Variants in GOLT1A observed in about 807,000 individuals in gnomAD.
GOLT1A encodes vesicle transport protein GOT1A.
In GOLT1A, 10 loss-of-function variants were observed where a neutral mutation model predicts 16.1. That is an observed-to-expected ratio of 0.62 (90% CI 0.38 to 1.05). The LOEUF (loss-of-function observed/expected upper bound fraction) is 1.05, where lower values mean the gene tolerates loss of function less well. Among genes scored for constraint, GOLT1A ranks in the 50% least tolerant of loss-of-function variants. The pLI is 0.01. For synonymous variants in GOLT1A, 60 were observed against 67.9 expected, an observed-to-expected ratio of 0.88 and a Z score of 0.57; for missense variants, 137 against 165.7, an observed-to-expected ratio of 0.83 and a Z score of 0.95.
intron 1 of GOLT1A, among the ~76,000 whole-genome samples, chr1:204,203,563 T>G (rs1165788955): frequency 6.6e-6 from 1 of 152,338 alleles, no homozygotes; most frequent in East Asian, 1.9e-4. Flanking sequence ...GGTGGTGACA[T>G]TTCCCACTGG....
intron 1 of GOLT1A, among the ~76,000 whole-genome samples, chr1:204,212,936 T>C (rs1659162165): frequency 6.6e-6 from 1 of 152,164 alleles, no homozygotes; most frequent in Non-Finnish European, 1.5e-5. Context: ...GCCTTTGCAC[T>C]GCCTGTCCCT....
chr1:204,211,748 C>T (rs769619056), intron 1 of GOLT1A, among the ~76,000 whole-genome samples: 8 of 152,060 alleles, frequency 5.3e-5, no homozygotes, highest in Middle Eastern at 3.4e-3. Flanking sequence ...GGTGGGGAAG[C>T]GGGGTGCGGG....
rs1381712255 is a variant in GOLT1A, at chr1:204,201,933, C to T, written c.118-122G>A. The T allele has an allele frequency of 3.5e-5, 29 of 823,616 alleles. No individual in the cohort carries two copies. The South Asian group carries it at 4.0e-4, about 11-fold the overall frequency. The allele number at this position is 823,616 out of a possible 1,614,324, so 51.0% of individuals were successfully genotyped here. A position where few individuals can be genotyped will look rare whatever the true frequency, so the allele number is the denominator to read the frequency against. On this transcript the variant is annotated intron_variant, in intron 2 of 4. Coordinates refer to ENST00000308302, the MANE Select transcript of GOLT1A (RefSeq NM_198447.2). The stretch of plus-strand genomic sequence containing the variant: ...TGCTAACTGTTCAAGACCATCTGAG[C>T]GAGGGCCATCCAGCAGTGTGGCAGA...
rs1168320745 is a variant in GOLT1A, at chr1:204,198,441, G to A, written c.*17C>T. On this transcript the variant is annotated 3_prime_UTR_variant, in exon 5 of 5. Transcript: ENST00000308302. ...CCTCAACCAATGATCCAAGTTCAAG[G>A]AGCTCATCTCTGTTTTTCAGACCAT... The A allele has an allele frequency of 6.2e-7, 1 of 1,612,824 alleles. No individual in the cohort carries two copies. Among genetic ancestry groups the A allele is most frequent in the Non-Finnish European group, 8.5e-7 (1 of 1,179,058 alleles).
rs980084129 is a variant in GOLT1A at position 204,198,342 on chromosome 1, G to C, written c.*116C>G. On this transcript the variant is annotated 3_prime_UTR_variant, in exon 5 of 5. Transcript: ENST00000308302. ...GCTCCATTCCTTCCTTCTGGACTTG[G>C]GGAGGTCCGGATATGTCGGGGAGTG... The C allele has an allele frequency of 2.1e-6, 2 of 931,456 alleles. No homozygotes were observed. Among genetic ancestry groups the C allele is most frequent in the African/African-American group, 1.7e-5 (1 of 59,780 alleles). The allele number at this position is 931,456 out of a possible 1,614,324, so 57.7% of individuals were successfully genotyped here. A position where few individuals can be genotyped will look rare whatever the true frequency, so the allele number is the denominator to read the frequency against.
Position 204,198,489 on chromosome 1 carries a change from CG to C in GOLT1A, c.367del (p.Arg123GlyfsTer15), listed in dbSNP as rs1557983983. The C allele has an allele frequency of 1.2e-6, 2 of 1,613,216 alleles. No homozygotes were observed. Among genetic ancestry groups the C allele is most frequent in the South Asian group, 1.1e-5 (1 of 91,016 alleles). On this transcript the variant is annotated frameshift_variant, in exon 5 of 5. Transcript: ENST00000308302. LOFTEE classifies it high-confidence loss of function. ...CATCGAGCTAGTGCCTTGAAGTCTCCGGAACAGCTGTGGGAGCCAAGAATCA... is the reference window on the plus strand; with the variant it reads ...CATCGAGCTAGTGCCTTGAAGTCTCCGAACAGCTGTGGGAGCCAAGAATCA... The part of the protein sequence containing the change: ...CNIPFLGALF[R>X]RLQGTSSMV
intron 1 of GOLT1A, among the ~76,000 whole-genome samples, chr1:204,205,490 A>C (rs910148357): frequency 6.6e-5 from 10 of 152,126 alleles, no homozygotes; most frequent in African/African-American, 2.2e-4. Flanking sequence ...AGTTCTCATA[A>C]CCTCTATGAA....
intron 3 of GOLT1A, 76 bp downstream of exon 3, chr1:204,201,557 C>T (rs1557984993): frequency 4.2e-6 from 6 of 1,441,454 alleles, no homozygotes; most frequent in South Asian, 1.3e-5. Flanking sequence ...CCAGCTTCTG[C>T]ACTCCCTGCT....
chr1:204,213,976 G>A lies in GOLT1A; in HGVS notation c.-70C>T. The A allele has an allele frequency of 1.9e-6, 3 of 1,552,924 alleles. No individual in the cohort carries two copies. Among genetic ancestry groups the A allele is most frequent in the Non-Finnish European group, 2.6e-6 (3 of 1,134,976 alleles). On this transcript the variant is annotated 5_prime_UTR_variant, in exon 1 of 5. The change creates a premature stop within an existing upstream ORF in the 5' untranslated region. Transcript: ENST00000308302. ...GGAGCGTGGCCCAGAGGACGCAGCT[G>A]GTACATGGTCACGGGAAGCTGACCC...
intron 1 of GOLT1A, among the ~76,000 whole-genome samples, chr1:204,203,305 A>C (rs527393851): frequency 1.1e-3 from 164 of 152,280 alleles, no homozygotes; most frequent in African/African-American, 3.9e-3. Flanking sequence ...CTCAAAAGCC[A>C]CATTATCCAC....
chr1:204,200,319 A>ATATATATATATATATATATATATATATT (rs1658935187), intron 3 of GOLT1A, among the ~76,000 whole-genome samples: 1 of 113,552 alleles, frequency 8.8e-6, no homozygotes, highest in Non-Finnish European at 1.7e-5. Flanking sequence ...ATATATATAT[A>ATATATATATATATATATATATATATATT]TGTTTTTGTT....
chr1:204,203,816 C>T (rs561061433), intron 1 of GOLT1A, among the ~76,000 whole-genome samples: 1 of 151,760 alleles, frequency 6.6e-6, no homozygotes, highest in East Asian at 1.9e-4. Flanking sequence ...AGTGAGCCCC[C>T]ATTCCCAAGG....
chr1:204,199,601 G>T (rs1658919171), intron 3 of GOLT1A, among the ~76,000 whole-genome samples: 2 of 152,194 alleles, frequency 1.3e-5, no homozygotes, highest in African/African-American at 4.8e-5. Context: ...AAATGCTCAG[G>T]AAGTGCTTAT....
intron 1 of GOLT1A, among the ~76,000 whole-genome samples, chr1:204,207,003 A>T (rs144966949): frequency 1.2e-4 from 18 of 152,326 alleles, no homozygotes; most frequent in African/African-American, 4.1e-4. Context: ...GCTCAGTGGG[A>T]CACGAAACCC....
At chr1:204,205,569 G>A (rs1659028001) in intron 1 of GOLT1A, among the ~76,000 whole-genome samples, 1 of 152,174 alleles carries the variant, frequency 6.6e-6, no homozygotes, top group Non-Finnish European at 1.5e-5. Context: ...CTGGTGTTTA[G>A]AGGCAGAATT....
intron 1 of GOLT1A, among the ~76,000 whole-genome samples, chr1:204,204,151 C>A (rs1042454009): frequency 5.9e-5 from 9 of 152,120 alleles, no homozygotes; most frequent in Non-Finnish European, 8.8e-5. Context: ...TAAATTGTTA[C>A]CTTTTTAAGT....
chr1:204,213,660 C>T (rs1164858869), intron 1 of GOLT1A, among the ~76,000 whole-genome samples: 2 of 152,196 alleles, frequency 1.3e-5, no homozygotes, highest in African/African-American at 2.4e-5. Context: ...CCCCTGGGCA[C>T]CAGCCTCTAG....
chr1:204,203,842 C>G (rs1219483100), intron 1 of GOLT1A, among the ~76,000 whole-genome samples: 1 of 151,896 alleles, frequency 6.6e-6, no homozygotes, highest in African/African-American at 2.4e-5. Flanking sequence ...CAGTAAGCCC[C>G]CATTCCCAAG....
chr1:204,199,040 G>T (rs896983529), intron 4 of GOLT1A, 155 bp downstream of exon 4: 12 of 634,402 alleles, frequency 1.9e-5, no homozygotes, highest in Non-Finnish European at 3.4e-5. Flanking sequence ...GCGGGGGGAA[G>T]AGGAGCCTAA....
Sources: allele counts gnomAD v4.1 joint callset (sites outside exome capture counted in the v4.1 genomes callset), GRCh38; gene constraint gnomAD v4.1.1; transcripts MANE v1.5; gene names NCBI Gene and HGNC (gene_info 2026-07-23, HGNC 2026-07-21).